The following MS4A6E variants were observed in gnomAD, a reference collection of about 807,000 sequenced individuals.
MS4A6E encodes membrane-spanning 4-domains subfamily A member 6E.
A neutral mutation model predicts 13.2 loss-of-function variants in MS4A6E; 8 were observed. The observed-to-expected ratio is 0.60, with a 90% CI of 0.35 to 1.09. MS4A6E has a LOEUF of 1.09. MS4A6E is among the 50% of genes least tolerant of loss of function. The pLI is 0.02. For synonymous variants in MS4A6E, 72 were observed against 67.6 expected (o/e 1.06, Z -0.32); for missense variants, 177 against 171.1 (o/e 1.03, Z -0.19).
intron 1 of MS4A6E, among the ~76,000 whole-genome samples, chr11:60,329,247 G>C (rs889573757): frequency 6.6e-6 from 1 of 151,204 alleles, no homozygotes. Context: ...TGCAGTGTTT[G>C]GTTTTCTGTT....
In MS4A6E at chr11:60,339,857, G is replaced by T. The variant is rs370287879; in HGVS notation, c.355-9G>T. 2.5e-6 allele frequency: 4 copies of T among 1,612,354 alleles called. No homozygotes were observed. The African/African-American group carries it at 4.0e-5, about 16-fold the overall frequency. On this transcript the variant is annotated splice_polypyrimidine_tract_variant and intron_variant, in intron 3 of 4. Coordinates refer to ENST00000684409, the MANE Select transcript of MS4A6E (RefSeq NM_139249.4). ...AAGCATCACTGATATTTTATTTCTT[G>T]ACTTTCAGGGAACTCTGTCTCTGAT...
intron 4 of MS4A6E, among the ~76,000 whole-genome samples, chr11:60,347,224 G>C (rs1448426023): frequency 6.6e-6 from 1 of 152,094 alleles, no homozygotes; most frequent in Non-Finnish European, 1.5e-5. Context: ...TTTAGTTTTG[G>C]GGAATCATTT....
chr11:60,345,231 G>A (rs1319267335), downstream of MS4A6E, among the ~76,000 whole-genome samples: 1 of 152,162 alleles, frequency 6.6e-6, no homozygotes, highest in East Asian at 1.9e-4. Context: ...ACCGCGCCCT[G>A]CCCCTGGTGG....
At chr11:60,329,367 C>A (rs2085139805) in intron 1 of MS4A6E, among the ~76,000 whole-genome samples, 1 of 152,150 alleles carries the variant, frequency 6.6e-6, no homozygotes, top group Non-Finnish European at 1.5e-5. Context: ...TATATATGTG[C>A]CACATTTTCT....
At chr11:60,342,613 A>G (rs1161475646), downstream of MS4A6E, among the ~76,000 whole-genome samples, 1 of 152,078 alleles carries the variant, frequency 6.6e-6, no homozygotes, top group East Asian at 1.9e-4. Context: ...CTAATCTTTT[A>G]TTATGCAGAT....
chr11:60,328,419 T>C (rs2085133251), intron 1 of MS4A6E, among the ~76,000 whole-genome samples: 1 of 152,070 alleles, frequency 6.6e-6, no homozygotes, highest in Non-Finnish European at 1.5e-5. Flanking sequence ...ACTAGAACAG[T>C]GGAGGGGTGA....
chr11:60,342,144 AGT>A (rs757687887), downstream of MS4A6E, among the ~76,000 whole-genome samples: 5,808 of 125,516 alleles, frequency 0.046, 390 homozygotes, highest in African/African-American at 0.11. Flanking sequence ...AGGATAAACA[AGT>A]GTGTGTGTGT....
At chr11:60,335,063 G>A (rs367931474) in intron 2 of MS4A6E, 21 bp downstream of exon 2, 5 of 1,613,594 alleles carry the variant, frequency 3.1e-6, no homozygotes, top group African/African-American at 2.7e-5. Context: ...TTCAGAACAT[G>A]TTGGAGAGGG....
At chr11:60,343,840 T>C (rs908937621), downstream of MS4A6E, among the ~76,000 whole-genome samples, 2 of 152,200 alleles carry the variant, frequency 1.3e-5, no homozygotes, top group African/African-American at 4.8e-5. Flanking sequence ...CTCTCAGCTT[T>C]CCAGGCTTTG....
At position 60,337,438 on chromosome 11, in the gene MS4A6E, G is replaced by T. The variant is rs570345796; in HGVS notation, c.148-303G>T. 2.0e-5 allele frequency among the ~76,000 whole-genome samples: 3 copies of T among 152,190 alleles called. No individual in the cohort carries two copies. The East Asian group carries it at 5.8e-4, about 29-fold the overall frequency. On this transcript the variant is annotated intron_variant, in intron 2 of 4. Transcript: ENST00000684409. ...GGTCACACTCACAGTAATTTTCCAG[G>T]CAAGCCTCGTGGGCCCTGCTATCTG...
rs113998747 is a variant in MS4A6E at position 60,337,291 on chromosome 11, A to G, written c.148-450A>G. On this transcript the variant is annotated intron_variant, in intron 2 of 4. Coordinates refer to ENST00000684409, the MANE Select transcript of MS4A6E (RefSeq NM_139249.4). ...CCATTGAAAGTAGTGGCAAAACCCAAAATTACTTTTGCACCATGCTAATAC... is the reference window on the plus strand; with the variant it reads ...CCATTGAAAGTAGTGGCAAAACCCAGAATTACTTTTGCACCATGCTAATAC... 8.2e-3 allele frequency among the ~76,000 whole-genome samples: 1,253 copies of G among 152,282 alleles called. 13 individuals are homozygous for G. The highest frequency in any genetic ancestry group is 0.028 in the African/African-American group (1,179 of 41,556).
chr11:60,343,396 G>A (rs1327457490), downstream of MS4A6E, among the ~76,000 whole-genome samples: 2 of 152,148 alleles, frequency 1.3e-5, no homozygotes, highest in Non-Finnish European at 2.9e-5. Context: ...ATTATAATTA[G>A]ACAGAATATT....
At position 60,331,383 on chromosome 11, in the gene MS4A6E, C is replaced by A. The variant is rs375674011; in HGVS notation, c.-14-3499C>A. ...ATGGTTCACTCATACATTTGGTTCTCTTGTCCTTTGAGTCTTTCATAATCT... is the reference window on the plus strand; with the variant it reads ...ATGGTTCACTCATACATTTGGTTCTATTGTCCTTTGAGTCTTTCATAATCT... On this transcript the variant is annotated intron_variant, in intron 1 of 4. Coordinates refer to ENST00000684409, the MANE Select transcript of MS4A6E (RefSeq NM_139249.4). Among the ~76,000 whole-genome samples, 42 of 152,228 alleles carry A rather than the reference C, an allele frequency of 2.8e-4. No individual in the cohort carries two copies. The South Asian group carries it at 8.3e-3, about 30-fold the overall frequency.
intron 1 of MS4A6E, among the ~76,000 whole-genome samples, chr11:60,332,998 C>T (rs1031699220): frequency 6.6e-5 from 10 of 152,196 alleles, no homozygotes; most frequent in African/African-American, 1.9e-4. Flanking sequence ...AATGTTTCTT[C>T]CTTTCTTTCC....
At chr11:60,329,490 T>A (rs1343255142) in intron 1 of MS4A6E, among the ~76,000 whole-genome samples, 1 of 152,206 alleles carries the variant, frequency 6.6e-6, no homozygotes, top group Non-Finnish European at 1.5e-5. Flanking sequence ...TGATTTATAA[T>A]CCTTTCAGTA....
downstream of MS4A6E, among the ~76,000 whole-genome samples, chr11:60,346,272 C>A (rs1226868302): frequency 2.6e-5 from 4 of 152,176 alleles, no homozygotes; most frequent in African/African-American, 9.7e-5. Flanking sequence ...CCTGAGGAAT[C>A]CTGGGCTTTG....
At chr11:60,347,950 C>T (rs1444120425) in intron 4 of MS4A6E, among the ~76,000 whole-genome samples, 1 of 152,126 alleles carries the variant, frequency 6.6e-6, no homozygotes, top group Non-Finnish European at 1.5e-5. Flanking sequence ...AGATTGAATT[C>T]TATATTTTGC....
intron 1 of MS4A6E, among the ~76,000 whole-genome samples, chr11:60,327,845 T>C (rs71460573): frequency 0.35 from 52,687 of 151,404 alleles, 9,773 homozygotes; most frequent in East Asian, 0.41. Flanking sequence ...GTTTGGCTGA[T>C]ATGGTGAAAC....
Position 60,337,777 on chromosome 11 carries a change from C to G in MS4A6E, c.184C>G (p.Leu62Val). ...CCTGGCTGGAAGCATTCTGAGTGCT[C>G]TGTCTGCCCTGGTGGGTTTCATTCT... is the stretch of plus-strand genomic sequence containing the variant. Reference protein sequence around the residue: ...SSLAGSILSALSALVGFILLS... With the variant: ...SSLAGSILSAVSALVGFILLS... Residue 62 changes from leucine to valine, a missense_variant, in exon 3 of 5, where the codon CTG (leucine) becomes GTG (valine). Transcript: ENST00000684409. 1 of 1,614,222 alleles carries G rather than the reference C, an allele frequency of 6.2e-7. No homozygotes were observed. Among genetic ancestry groups the G allele is most frequent in the Non-Finnish European group, 8.5e-7 (1 of 1,180,050 alleles).
Sources: gnomAD v4.1 joint callset for allele counts (sites outside exome capture counted in the v4.1 genomes callset) on GRCh38, gnomAD v4.1.1 for gene constraint, MANE v1.5 for transcripts, NCBI Gene and HGNC (gene_info 2026-07-23, HGNC 2026-07-21) for gene names.